Variants in MCU observed in about 807,000 individuals in gnomAD.
MCU encodes mitochondrial calcium uniporter.
Under a neutral mutation model 45.2 loss-of-function variants are expected in MCU, and 12 were observed. The observed-to-expected ratio is 0.27, with a 90% CI of 0.17 to 0.43. The LOEUF is 0.43. MCU is among the 20% of genes least tolerant of loss of function. The pLI is 1.00. For synonymous variants in MCU, 160 were observed against 165.1 expected (o/e 0.97, Z 0.24); for missense variants, 324 against 436.7 (o/e 0.74, Z 2.30).
At chr10:72,884,446 C>T in intron 7 of MCU, 64 bp downstream of exon 7, 1 of 890,208 alleles carries the variant, frequency 1.1e-6, no homozygotes, top group Non-Finnish European at 1.9e-6. Flanking sequence ...TTATTATCCA[C>T]AGCCACGGTT....
intron 1 of MCU, among the ~76,000 whole-genome samples, chr10:72,711,243 T>C (rs1842890423): frequency 6.8e-6 from 1 of 147,744 alleles, no homozygotes; most frequent in Admixed American, 6.8e-5. Flanking sequence ...TTTTTTGGAA[T>C]GGAGTCTCCC....
chr10:72,828,554 G>A (rs555017975), intron 1 of MCU, among the ~76,000 whole-genome samples: 3 of 151,852 alleles, frequency 2.0e-5, no homozygotes, highest in South Asian at 2.1e-4. Context: ...ATATTTGGGG[G>A]CTATTGACAG....
intron 1 of MCU, among the ~76,000 whole-genome samples, chr10:72,735,116 A>AT (rs11443574): frequency 0.93 from 136,580 of 146,612 alleles, 63,896 homozygotes; most frequent in East Asian, 0.98. Context: ...ATGTATCAGA[A>AT]TTTTTTTTTT....
At chr10:72,755,261 G>T (rs1057435016) in intron 1 of MCU, among the ~76,000 whole-genome samples, 4 of 150,042 alleles carry the variant, frequency 2.7e-5, no homozygotes, top group Admixed American at 1.4e-4. Context: ...CAATTCTCCT[G>T]CCTCAGCCAC....
intron 6 of MCU, among the ~76,000 whole-genome samples, chr10:72,872,266 T>G (rs756347684): frequency 2.4e-4 from 37 of 152,170 alleles, no homozygotes; most frequent in Non-Finnish European, 2.8e-4. Flanking sequence ...TTTTTTTTGT[T>G]GGGGACATTC....
intron 1 of MCU, among the ~76,000 whole-genome samples, chr10:72,697,090 A>T (rs1842696785): frequency 6.6e-6 from 1 of 152,162 alleles, no homozygotes; most frequent in South Asian, 2.1e-4. Flanking sequence ...TTCTGGATAA[A>T]TATGTTTAAG....
At chr10:72,822,136 C>T (rs887271337) in intron 1 of MCU, among the ~76,000 whole-genome samples, 2 of 152,036 alleles carry the variant, frequency 1.3e-5, no homozygotes, top group Non-Finnish European at 2.9e-5. Context: ...ATTAACCGGG[C>T]GTGGTGACAG....
chr10:72,865,890 T>G (rs969841919), intron 4 of MCU, among the ~76,000 whole-genome samples: 4 of 151,878 alleles, frequency 2.6e-5, no homozygotes, highest in African/African-American at 9.7e-5. Flanking sequence ...CATTCTGCTG[T>G]CTCAGCCTCC....
intron 2 of MCU, among the ~76,000 whole-genome samples, chr10:72,836,269 A>T (rs983524598): frequency 1.2e-4 from 19 of 152,280 alleles, no homozygotes; most frequent in Non-Finnish European, 2.6e-4. Flanking sequence ...ATATATATTC[A>T]TAAAGAATAT....
intron 1 of MCU, among the ~76,000 whole-genome samples, chr10:72,713,598 A>C (rs958324055): frequency 6.6e-6 from 1 of 152,200 alleles, no homozygotes; most frequent in Non-Finnish European, 1.5e-5. Flanking sequence ...AAATTATTTT[A>C]CCGTGAAAAG....
At chr10:72,721,557 C>T (rs369917623) in intron 1 of MCU, among the ~76,000 whole-genome samples, 1 of 152,182 alleles carries the variant, frequency 6.6e-6, no homozygotes, top group East Asian at 1.9e-4. Flanking sequence ...GCACCTACCT[C>T]ATAGGATTTT....
chr10:72,876,158 C>T (rs750188170), intron 6 of MCU, among the ~76,000 whole-genome samples: 45 of 152,202 alleles, frequency 3.0e-4, no homozygotes, highest in Non-Finnish European at 6.0e-4. Context: ...CGGCAAACCA[C>T]TTCAATGGCT....
chr10:72,816,056 C>T (rs1028691549), intron 1 of MCU, among the ~76,000 whole-genome samples: 1 of 152,022 alleles, frequency 6.6e-6, no homozygotes, highest in Non-Finnish European at 1.5e-5. Flanking sequence ...CCTGTAATCC[C>T]AGCTACTTAG....
chr10:72,837,856 GTTT>G (rs765624802), intron 2 of MCU, among the ~76,000 whole-genome samples: 2 of 132,004 alleles, frequency 1.5e-5, no homozygotes, highest in Non-Finnish European at 1.6e-5. Flanking sequence ...CCCAATACTG[GTTT>G]TTTTTTTTTT....
chr10:72,826,964 A>G (rs896512347), intron 1 of MCU, among the ~76,000 whole-genome samples: 5 of 152,128 alleles, frequency 3.3e-5, no homozygotes, highest in African/African-American at 9.7e-5. Flanking sequence ...TAATTATTCT[A>G]TTTTATTATT....
At chr10:72,710,630 G>GACACACACCC (rs1289141841) in intron 1 of MCU, among the ~76,000 whole-genome samples, 1 of 146,666 alleles carries the variant, frequency 6.8e-6, no homozygotes, top group East Asian at 2.0e-4. Context: ...GACATACAAG[G>GACACACACCC]ACAAAAATCT....
At chr10:72,816,659 G>C (rs1844632054) in intron 1 of MCU, among the ~76,000 whole-genome samples, 1 of 152,212 alleles carries the variant, frequency 6.6e-6, no homozygotes, top group South Asian at 2.1e-4. Flanking sequence ...AGCACCACCA[G>C]CTACTTCAGA....
intron 1 of MCU, among the ~76,000 whole-genome samples, chr10:72,735,589 A>G (rs1316320215): frequency 1.3e-5 from 2 of 152,214 alleles, no homozygotes; most frequent in African/African-American, 4.8e-5. Context: ...TTTAAAAACA[A>G]AGGCATATTC....
chr10:72,879,692 AATATT>A (rs1450303620), intron 6 of MCU, among the ~76,000 whole-genome samples: 2 of 152,180 alleles, frequency 1.3e-5, no homozygotes, highest in African/African-American at 4.8e-5. Flanking sequence ...AGTCTAAACT[AATATT>A]AAATGTATAA....
Sources: allele counts gnomAD v4.1 joint callset (sites outside exome capture counted in the v4.1 genomes callset), GRCh38; gene constraint gnomAD v4.1.1; transcripts MANE v1.5; gene names NCBI Gene and HGNC (gene_info 2026-07-23, HGNC 2026-07-21).